Variants in AMBRA1 observed in about 807,000 individuals in gnomAD.
AMBRA1 encodes activating molecule in BECN1-regulated autophagy protein 1.
In AMBRA1, 47 loss-of-function variants were observed where a neutral mutation model predicts 125.4. The ratio of observed to expected loss-of-function variants is 0.37; its 90% CI spans 0.30 to 0.48. AMBRA1 has a LOEUF of 0.48. AMBRA1 is among the 20% of genes least tolerant of loss of function. The pLI, the probability that AMBRA1 is intolerant of heterozygous loss-of-function variation, is 0.99. For missense variants in AMBRA1, 1,331 were observed against 1,693.4 expected, an observed-to-expected ratio of 0.79 and a Z score of 3.76; for synonymous variants, 626 against 655.5, an observed-to-expected ratio of 0.95 and a Z score of 0.69.
chr11:46,545,988 A>T (rs1260425213), intron 4 of AMBRA1: 8 of 496,772 alleles, frequency 1.6e-5, no homozygotes, highest in East Asian at 3.5e-5. Flanking sequence ...TCTTCAAATT[A>T]GTCACAATCT....
intron 5 of AMBRA1, 138 bp downstream of exon 5, chr11:46,545,466 A>C: frequency 9.6e-7 from 1 of 1,039,948 alleles, no homozygotes; most frequent in Non-Finnish European, 1.4e-6. Flanking sequence ...TGTCTCAAAA[A>C]AAAAATAGGA....
At chr11:46,534,885 G>A (rs1180419251) in intron 7 of AMBRA1, among the ~76,000 whole-genome samples, 1 of 152,184 alleles carries the variant, frequency 6.6e-6, no homozygotes, top group Admixed American at 6.5e-5. Context: ...TGTTGCCCAG[G>A]CTGGTCGCAA....
chr11:46,467,011 G>C (rs531674782), intron 11 of AMBRA1, among the ~76,000 whole-genome samples: 43 of 150,948 alleles, frequency 2.8e-4, no homozygotes, highest in African/African-American at 1.0e-3. Context: ...TTCACCTCCC[G>C]GATCCAGGCG....
intron 11 of AMBRA1, among the ~76,000 whole-genome samples, chr11:46,455,463 C>T (rs972601645): frequency 2.0e-5 from 3 of 152,170 alleles, no homozygotes; most frequent in Admixed American, 2.0e-4. Context: ...AGATGCATAA[C>T]TAGGTAGCGT....
At chr11:46,461,557 C>T (rs1949088839) in intron 11 of AMBRA1, among the ~76,000 whole-genome samples, 1 of 152,160 alleles carries the variant, frequency 6.6e-6, no homozygotes, top group African/African-American at 2.4e-5. Flanking sequence ...TCATAATTGG[C>T]TAAAGTTAAA....
At chr11:46,525,632 T>C (rs1351450049) in intron 7 of AMBRA1, among the ~76,000 whole-genome samples, 4 of 151,944 alleles carry the variant, frequency 2.6e-5, no homozygotes, top group African/African-American at 9.7e-5. Flanking sequence ...GTGCCTGTAG[T>C]CCCAGCTACT....
At chr11:46,417,776 T>A (rs1590748481) in intron 15 of AMBRA1, 137 bp downstream of exon 15, 1 of 1,066,592 alleles carries the variant, frequency 9.4e-7, no homozygotes, top group South Asian at 3.1e-5. Flanking sequence ...GAGGGCCCTT[T>A]AAGGAGTGGC....
At chr11:46,585,545 A>G (rs1328029822) in intron 1 of AMBRA1, among the ~76,000 whole-genome samples, 2 of 145,604 alleles carry the variant, frequency 1.4e-5, no homozygotes, top group Admixed American at 6.9e-5. Flanking sequence ...ACACGCCTGT[A>G]GTCCCAGCTA....
chr11:46,521,401 G>A (rs1951754791), intron 7 of AMBRA1, among the ~76,000 whole-genome samples: 1 of 152,252 alleles, frequency 6.6e-6, no homozygotes, highest in Non-Finnish European at 1.5e-5. Flanking sequence ...TGCCAAAAGA[G>A]ACCCCCACAG....
chr11:46,404,952 A>T (rs1945938042), intron 17 of AMBRA1, among the ~76,000 whole-genome samples: 1 of 152,188 alleles, frequency 6.6e-6, no homozygotes, highest in African/African-American at 2.4e-5. Flanking sequence ...CTGCTCCCAG[A>T]GCCCCAGCAT....
chr11:46,547,691 G>T, intron 3 of AMBRA1, 126 bp downstream of exon 3: 1 of 894,098 alleles, frequency 1.1e-6, no homozygotes, highest in Non-Finnish European at 1.7e-6. Flanking sequence ...TCCGACACGG[G>T]GCCAAAGTGC....
rs760302067 is a variant in AMBRA1 at position 46,417,985 on chromosome 11, C to A, written c.3044G>T (p.Arg1015Leu). 1.2e-6 allele frequency: 2 copies of A among 1,610,730 alleles called. No individual in the cohort carries two copies. The highest frequency in any genetic ancestry group is 1.7e-6 in the Non-Finnish European group (2 of 1,177,766). Residue 1015 changes from arginine to leucine, a missense_variant, in exon 15 of 18, where the codon CGT (arginine) becomes CTT (leucine). Physicochemically the swap from Arg to Leu is moderately radical, Grantham distance 102. Coordinates refer to ENST00000683756, the MANE Select transcript of AMBRA1 (RefSeq NM_001387011.1). ...QRRHVSINSA[R>L]WLPEPGLGLA... is the part of the protein sequence containing the mutation. ...GCCAAGCCCTGGCTCAGGCAGCCAA[C>A]GGGCAGAGTTGATACTGACATGTCT...
chr11:46,416,466 G>A (rs936395388), intron 15 of AMBRA1, among the ~76,000 whole-genome samples: 2 of 152,168 alleles, frequency 1.3e-5, no homozygotes, highest in African/African-American at 4.8e-5. Flanking sequence ...GTCTGTCTTT[G>A]GGAGGAGCTC....
intron 1 of AMBRA1, among the ~76,000 whole-genome samples, chr11:46,583,330 C>A (rs1038872757): frequency 6.6e-6 from 1 of 151,514 alleles, no homozygotes; most frequent in South Asian, 2.1e-4. Flanking sequence ...CCCTTCCTTA[C>A]ACCTTATACA....
chr11:46,545,143 T>G (rs1245339911), intron 5 of AMBRA1, among the ~76,000 whole-genome samples: 1 of 29,966 alleles, frequency 3.3e-5, no homozygotes, highest in Non-Finnish European at 5.8e-5. Flanking sequence ...CCTGTCTCCT[T>G]AAAAAAAAAA....
intron 7 of AMBRA1, among the ~76,000 whole-genome samples, chr11:46,523,509 C>G (rs927202865): frequency 1.3e-5 from 2 of 152,198 alleles, no homozygotes; most frequent in Non-Finnish European, 2.9e-5. Flanking sequence ...AGGATTAACT[C>G]TGTAGAGTCT....
At chr11:46,516,423 CTTTTTTTTTTTTT>C (rs1162985350) in intron 7 of AMBRA1, among the ~76,000 whole-genome samples, 2 of 73,178 alleles carry the variant, frequency 2.7e-5, no homozygotes, top group African/African-American at 1.0e-4. Flanking sequence ...AAAGATCTTT[CTTTTTTTTTTTTT>C]TTTTTTTTTT....
At position 46,594,011 on chromosome 11, in the gene AMBRA1, A is replaced by C. The variant is rs968634248; in HGVS notation, c.-304T>G. Reference sequence around the variant, plus strand: ...CCGGCGCCGCCGCCGCTCAGGAGACATCAAGCAAGAAGACGGCGCAAAAGA... The same window carrying C: ...CCGGCGCCGCCGCCGCTCAGGAGACCTCAAGCAAGAAGACGGCGCAAAAGA... On this transcript the variant is annotated 5_prime_UTR_variant, in exon 1 of 18. The change abolishes an upstream ATG in the 5' untranslated region. Transcript: ENST00000683756. The C allele has an allele frequency of 2.5e-6, 1 of 398,662 alleles. No individual in the cohort carries two copies. The highest frequency in any genetic ancestry group is 4.4e-6 in the Non-Finnish European group (1 of 226,082). 24.7% of individuals were successfully genotyped at this position (398,662 alleles called of 1,614,324 possible).
intron 11 of AMBRA1, among the ~76,000 whole-genome samples, chr11:46,447,502 T>C (rs912839597): frequency 2.6e-5 from 4 of 152,128 alleles, no homozygotes; most frequent in African/African-American, 9.7e-5. Flanking sequence ...ACCACCACAC[T>C]GCAGCCTGGG....
Sources: allele counts gnomAD v4.1 joint callset (sites outside exome capture counted in the v4.1 genomes callset), GRCh38; gene constraint gnomAD v4.1.1; transcripts MANE v1.5; gene names NCBI Gene and HGNC (gene_info 2026-07-23, HGNC 2026-07-21).